The following ACKR3 variants were observed in gnomAD, a reference collection of about 807,000 sequenced individuals.
ACKR3 encodes the protein C-X-C chemokine receptor type 7.
Under a neutral mutation model 22.4 loss-of-function variants are expected in ACKR3, and 6 were observed. That is an observed-to-expected ratio of 0.27 (90% CI 0.15 to 0.53). The LOEUF (loss-of-function observed/expected upper bound fraction) is 0.53. Ranked by LOEUF, ACKR3 falls within the 20% of genes least tolerant of loss-of-function variation. The probability of loss-of-function intolerance (pLI) is 0.96; values close to 1 mark genes in which losing one functional copy is unlikely to be tolerated. For synonymous variants in ACKR3, 209 were observed against 205.2 expected (o/e 1.02, Z -0.16); for missense variants, 396 against 475.2 (o/e 0.83, Z 1.55).
rs923173925 is a variant in ACKR3, at chr2:236,582,130, A to G, written c.*576A>G. The G allele has an allele frequency of 6.0e-6, 1 of 166,304 alleles. No homozygotes were observed. The highest frequency in any genetic ancestry group is 2.4e-5 in the African/African-American group (1 of 41,300). 10.3% of individuals were successfully genotyped at this position (166,304 alleles called of 1,614,324 possible). ...TCTTGGCTGAAATGTTTTATTTACC[A>G]TAGTTTTATATCTGTGTGGTGTTTT... On this transcript the variant is annotated 3_prime_UTR_variant, in exon 2 of 2. Transcript: ENST00000272928.
chr2:236,538,878 C>T, the ACKR3 span, among the ~76,000 whole-genome samples: 1 of 152,160 alleles, frequency 6.6e-6, no homozygotes, highest in Non-Finnish European at 1.5e-5. Context: ...CTTAGCTGAG[C>T]ATCCTGTATT....
At chr2:236,539,375 C>T in the ACKR3 span, among the ~76,000 whole-genome samples, 7 of 143,842 alleles carry the variant, frequency 4.9e-5, no homozygotes, top group South Asian at 2.2e-4. Context: ...TGCAGTGGTG[C>T]GATCTCGGCT....
chr2:236,581,791 G>A lies in ACKR3; in HGVS notation c.*237G>A, dbSNP rs1455415553. ...GCTGTGTCGCACAGCAGTGCTGTGC[G>A]TCAGAGCCAGCTGAGGACAGGCTTG... On this transcript the variant is annotated 3_prime_UTR_variant, in exon 2 of 2. Transcript: ENST00000272928. The surrounding 1 kb of genome is among the most constrained non-coding windows in gnomAD (Gnocchi z 4.4). The A allele has an allele frequency of 1.2e-5, 5 of 418,396 alleles. No homozygotes were observed. In the South Asian group the frequency reaches 2.1e-4, roughly 17 times the overall value. 25.9% of individuals were successfully genotyped at this position (418,396 alleles called of 1,614,324 possible).
the ACKR3 span, among the ~76,000 whole-genome samples, chr2:236,556,225 C>T: frequency 6.6e-6 from 1 of 152,276 alleles, no homozygotes; most frequent in Non-Finnish European, 1.5e-5. Flanking sequence ...GGAGTTGGAG[C>T]TTGAGCAAGA....
At chr2:236,539,856 C>T in the ACKR3 span, among the ~76,000 whole-genome samples, 16 of 152,248 alleles carry the variant, frequency 1.1e-4, no homozygotes, top group South Asian at 1.0e-3. Context: ...TGCAAAGGGA[C>T]GTCTTACATG....
chr2:236,574,121 G>A lies in ACKR3; in HGVS notation c.-27+4197G>A, dbSNP rs995617782. Among the ~76,000 whole-genome samples the A allele has an allele frequency of 6.6e-6, 1 of 151,864 alleles. No homozygotes were observed. The highest frequency in any genetic ancestry group is 2.1e-4 in the South Asian group (1 of 4,794). ...CCGGCGGGGTCTCGGGGGTTGGGGG[G>A]AGATGTTTCTGATTTGTTGTCCTCA... On this transcript the variant is annotated intron_variant, in intron 1 of 1. Coordinates refer to ENST00000272928, the MANE Select transcript of ACKR3 (RefSeq NM_020311.3). The surrounding 1 kb of genome is among the most constrained non-coding windows in gnomAD (Gnocchi z 5.6).
In ACKR3 at chr2:236,581,067, C is replaced by G. The variant is rs2106510118; in HGVS notation, c.602C>G (p.Pro201Arg). ...GAGACCTACTGCCGGTCCTTCTACC[C>G]CGAGCACAGCATCAAGGAGTGGCTG... ...NNETYCRSFY[P>R]EHSIKEWLIG... Residue 201 changes from proline (P) to arginine (R), a missense_variant, in exon 2 of 2, where the codon CCC becomes CGC. Transcript: ENST00000272928. The surrounding 1 kb of genome is among the most constrained non-coding windows in gnomAD (Gnocchi z 4.4). 1.2e-6 allele frequency: 2 copies of G among 1,614,230 alleles called. No homozygotes were observed. Among genetic ancestry groups the G allele is most frequent in the Non-Finnish European group, 1.7e-6 (2 of 1,180,054 alleles).
chr2:236,580,914 C>T lies in ACKR3; in HGVS notation c.449C>T (p.Thr150Ile). The T allele has an allele frequency of 1.9e-6, 3 of 1,614,210 alleles. No individual in the cohort carries two copies. The highest frequency in any genetic ancestry group is 1.7e-5 in the Admixed American group (1 of 60,032). Residue 150 changes from threonine to isoleucine, a missense_variant, in exon 2 of 2, where the codon ACC (threonine) becomes ATC (isoleucine). Coordinates refer to ENST00000272928, the MANE Select transcript of ACKR3 (RefSeq NM_020311.3). ...VDRYLSITYF[T>I]NTPSSRKKMV... The stretch of plus-strand genomic sequence containing the variant: ...CGCTACCTCTCCATCACCTACTTCA[C>T]CAACACCCCCAGCAGCAGGAAGAAG...
the ACKR3 span, among the ~76,000 whole-genome samples, chr2:236,544,237 C>T: frequency 6.6e-6 from 1 of 151,852 alleles, no homozygotes; most frequent in Non-Finnish European, 1.5e-5. This position sits in a 1 kb window ranked among gnomAD's most constrained non-coding sequence, Gnocchi z 5.0. Context: ...ATCTGCCCTC[C>T]TCAGCCTCCC....
At chr2:236,558,233 G>A in the ACKR3 span, among the ~76,000 whole-genome samples, 1 of 152,194 alleles carries the variant, frequency 6.6e-6, no homozygotes, top group East Asian at 1.9e-4. Flanking sequence ...TAGGCAGTGC[G>A]TGGAGAGTAG....
At chr2:236,543,706 G>A in the ACKR3 span, among the ~76,000 whole-genome samples, 787 of 151,990 alleles carry the variant, frequency 5.2e-3, 3 homozygotes, top group Non-Finnish European at 8.4e-3. Flanking sequence ...TACGCTGGAT[G>A]TTTGAACTAC....
chr2:236,549,818 A>T, the ACKR3 span, among the ~76,000 whole-genome samples: 2 of 152,168 alleles, frequency 1.3e-5, no homozygotes, highest in Non-Finnish European at 2.9e-5. The surrounding 1 kb of genome is among the most constrained non-coding windows in gnomAD (Gnocchi z 5.3). Context: ...GAAAGTGGAC[A>T]TTATCTGTTT....
chr2:236,560,201 T>G, the ACKR3 span, among the ~76,000 whole-genome samples: 1 of 152,218 alleles, frequency 6.6e-6, no homozygotes, highest in African/African-American at 2.4e-5. Context: ...AGTTCTATTT[T>G]TAATTTTTTT....
At chr2:236,568,536 G>A (rs1691237651), upstream of ACKR3, among the ~76,000 whole-genome samples, 1 of 152,244 alleles carries the variant, frequency 6.6e-6, no homozygotes, top group Non-Finnish European at 1.5e-5. Flanking sequence ...GCGGTGGCGG[G>A]ACGCTGCGCT....
upstream of ACKR3, among the ~76,000 whole-genome samples, chr2:236,565,185 C>T (rs369323651): frequency 4.7e-4 from 71 of 152,046 alleles, no homozygotes; most frequent in African/African-American, 1.6e-3. Context: ...TGCATCCTCT[C>T]GTTTAATCCT....
chr2:236,544,337 T>A, the ACKR3 span, among the ~76,000 whole-genome samples: 1 of 152,120 alleles, frequency 6.6e-6, no homozygotes, highest in Admixed American at 6.5e-5. The surrounding 1 kb of genome is among the most constrained non-coding windows in gnomAD (Gnocchi z 5.0). Flanking sequence ...TCAGAAAGGT[T>A]ATTACAGCTT....
chr2:236,557,595 A>T, the ACKR3 span, among the ~76,000 whole-genome samples: 4 of 152,274 alleles, frequency 2.6e-5, no homozygotes, highest in Non-Finnish European at 4.4e-5. Context: ...AATGGATTAT[A>T]ACTCACGAAA....
intron 1 of ACKR3, among the ~76,000 whole-genome samples, chr2:236,573,676 C>T (rs1691353647): frequency 6.6e-6 from 1 of 152,324 alleles, no homozygotes. Context: ...ATCTATACCA[C>T]TGTAGAGGAG....
rs777218823 is a variant in ACKR3, at chr2:236,580,873, G to C, written c.408G>C (p.Thr136=). Residue 136 remains threonine (T), a synonymous_variant, in exon 2 of 2, where the codon ACG becomes ACC. Transcript: ENST00000272928. The part of the protein sequence containing the change: ...INLFGSIFFL[T]CMSVDRYLSI... ...TCTTCGGCAGCATTTTCTTCCTCAC[G>C]TGCATGAGCGTGGACCGCTACCTCT... is the stretch of plus-strand genomic sequence containing the variant. 6.2e-7 allele frequency: 1 copy of C among 1,614,132 alleles called. No homozygotes were observed. Among genetic ancestry groups the C allele is most frequent in the Non-Finnish European group, 8.5e-7 (1 of 1,180,022 alleles).
Sources: gnomAD v4.1 joint callset for allele counts (sites outside exome capture counted in the v4.1 genomes callset) on GRCh38, gnomAD v4.1.1 for gene constraint, Gnocchi (gnomAD v3.1) non-coding constraint, MANE v1.5 for transcripts, NCBI Gene and HGNC (gene_info 2026-07-23, HGNC 2026-07-21) for gene names.